GRIN2A: variants seen among roughly 807,000 people sequenced by gnomAD.
GRIN2A encodes glutamate ionotropic receptor NMDA type subunit 2A.
GRIN2A carries 22 observed loss-of-function variants against 113.4 expected under a neutral mutation model. The ratio of observed to expected loss-of-function variants is 0.19; its 90% CI spans 0.14 to 0.28. The LOEUF is 0.28. Ranked by LOEUF, GRIN2A falls within the 10% of genes least tolerant of loss-of-function variation. The probability of loss-of-function intolerance (pLI) is 1.00; values close to 1 mark genes in which losing one functional copy is unlikely to be tolerated. For synonymous variants in GRIN2A, 827 were observed against 738.4 expected (o/e 1.12, Z -1.94); for missense variants, 1,502 against 1,887.0 (o/e 0.80, Z 3.78).
chr16:10,179,695 G>C (rs2050219004), intron 2 of GRIN2A: 2 of 471,494 alleles, frequency 4.2e-6, no homozygotes, highest in East Asian at 8.0e-5. Context: ...CTCCAAACAT[G>C]CCACCACCGC....
chr16:9,842,724 G>T (rs2042701861), intron 5 of GRIN2A, among the ~76,000 whole-genome samples: 2 of 152,258 alleles, frequency 1.3e-5, no homozygotes, highest in Middle Eastern at 3.4e-3. Flanking sequence ...ATCCCCTGAG[G>T]TTGGGAGTTT....
chr16:10,083,524 G>A (rs1407195954), intron 2 of GRIN2A, among the ~76,000 whole-genome samples: 1 of 152,126 alleles, frequency 6.6e-6, no homozygotes, highest in African/African-American at 2.4e-5. Flanking sequence ...TGAGGCCCAC[G>A]TGCTTTCACC....
At chr16:9,767,104 G>T (rs2141144000) in intron 12 of GRIN2A, among the ~76,000 whole-genome samples, 1 of 152,304 alleles carries the variant, frequency 6.6e-6, no homozygotes, top group African/African-American at 2.4e-5. Context: ...TTTGGTAATT[G>T]GCTGGGAGAA....
At chr16:9,834,468 G>A (rs550521060) in intron 7 of GRIN2A, among the ~76,000 whole-genome samples, 11 of 152,050 alleles carry the variant, frequency 7.2e-5, no homozygotes, top group South Asian at 2.1e-4. Flanking sequence ...TGCAACCTCC[G>A]CCCCCCAGGT....
At chr16:9,987,340 C>T (rs767254025) in intron 2 of GRIN2A, among the ~76,000 whole-genome samples, 1 of 152,170 alleles carries the variant, frequency 6.6e-6, no homozygotes, top group Non-Finnish European at 1.5e-5. Flanking sequence ...TGAAAGCCAA[C>T]TCACTCCCAT....
At chr16:9,856,413 G>C (rs1456915246) in intron 4 of GRIN2A, among the ~76,000 whole-genome samples, 6 of 151,926 alleles carry the variant, frequency 3.9e-5, no homozygotes, top group Non-Finnish European at 1.5e-5. Flanking sequence ...GAGGTCAGGA[G>C]ATCGAGACCA....
chr16:9,779,993 A>C (rs1022084700), intron 11 of GRIN2A, among the ~76,000 whole-genome samples: 1 of 152,204 alleles, frequency 6.6e-6, no homozygotes, highest in African/African-American at 2.4e-5. Flanking sequence ...AAAATAAGGC[A>C]ATGTTGATGT....
At chr16:10,032,613 AGAC>A (rs1567247385) in intron 2 of GRIN2A, among the ~76,000 whole-genome samples, 1 of 152,204 alleles carries the variant, frequency 6.6e-6, no homozygotes, top group African/African-American at 2.4e-5. Flanking sequence ...CCCATTTCAC[AGAC>A]GAGGAACTGA....
intron 2 of GRIN2A, among the ~76,000 whole-genome samples, chr16:9,942,430 A>G (rs2044905912): frequency 6.6e-6 from 1 of 152,108 alleles, no homozygotes; most frequent in South Asian, 2.1e-4. Flanking sequence ...TCTGGGCCTG[A>G]GTTTCTTTAC....
chr16:9,798,180 C>T (rs986960246), intron 11 of GRIN2A, 97 bp downstream of exon 11: 2 of 959,442 alleles, frequency 2.1e-6, no homozygotes, highest in Non-Finnish European at 1.7e-6. Context: ...AGGGAGCAAA[C>T]TCATCATGCA....
At chr16:10,059,713 C>T (rs1324998527) in intron 2 of GRIN2A, among the ~76,000 whole-genome samples, 1 of 111,186 alleles carries the variant, frequency 9.0e-6, no homozygotes, top group East Asian at 2.6e-4. Context: ...ATCACACCAT[C>T]GTGACCGAAA....
chr16:10,116,663 CAGCAG>C (rs2048733733), intron 2 of GRIN2A, among the ~76,000 whole-genome samples: 2 of 152,028 alleles, frequency 1.3e-5, no homozygotes, highest in Admixed American at 6.5e-5. Context: ...GAAAAGAAGC[CAGCAG>C]CAGGGAAATT....
Position 9,754,662 on chromosome 16 carries a change from T to G in GRIN2A, c.*8487A>C, listed in dbSNP as rs1250437710. ...GATTTAAAAAAATTTAAAAAAGATT[T>G]TAAAAGTCAATACTGTTCATTCACT... is the stretch of plus-strand genomic sequence containing the variant. On this transcript the variant is annotated 3_prime_UTR_variant, in exon 13 of 13. Transcript: ENST00000330684. The G allele has an allele frequency of 4.6e-6, 1 of 217,634 alleles. No homozygotes were observed. Among genetic ancestry groups the G allele is most frequent in the African/African-American group, 2.2e-5 (1 of 44,472 alleles). 13.5% of individuals were successfully genotyped at this position (217,634 alleles called of 1,614,324 possible). A position where few individuals can be genotyped will look rare whatever the true frequency, so the allele number is the denominator to read the frequency against.
chr16:10,105,497 A>C (rs1207748277), intron 2 of GRIN2A, among the ~76,000 whole-genome samples: 4 of 152,042 alleles, frequency 2.6e-5, no homozygotes, highest in Non-Finnish European at 5.9e-5. Context: ...CATGTAAAAA[A>C]AAAAAATCAA....
chr16:10,154,920 G>T (rs915337589), intron 2 of GRIN2A, among the ~76,000 whole-genome samples: 1 of 152,188 alleles, frequency 6.6e-6, no homozygotes, highest in African/African-American at 2.4e-5. Flanking sequence ...AACAAGTGTT[G>T]TATAAAAAAC....
chr16:9,891,189 G>GA (rs2043688535), intron 3 of GRIN2A, 89 bp from the exon 4 acceptor site: 7 of 782,544 alleles, frequency 8.9e-6, no homozygotes, highest in Non-Finnish European at 1.6e-5. Flanking sequence ...ATGGAATACT[G>GA]AAAAATTATA....
At chr16:10,034,505 A>G (rs1448710979) in intron 2 of GRIN2A, among the ~76,000 whole-genome samples, 1 of 141,768 alleles carries the variant, frequency 7.1e-6, no homozygotes, top group Non-Finnish European at 1.5e-5. Context: ...AGGCTGGACG[A>G]TAAGAGTGAG....
At chr16:10,123,512 A>C (rs1020819868) in intron 2 of GRIN2A, among the ~76,000 whole-genome samples, 1 of 152,128 alleles carries the variant, frequency 6.6e-6, no homozygotes, top group Admixed American at 6.6e-5. Flanking sequence ...TGATGCTCTA[A>C]ATCTCCAGCT....
At chr16:10,049,342 A>T (rs561014375) in intron 2 of GRIN2A, among the ~76,000 whole-genome samples, 2 of 152,066 alleles carry the variant, frequency 1.3e-5, no homozygotes, top group South Asian at 4.2e-4. Flanking sequence ...TACCTTCTCA[A>T]GTTGTCACAG....
Sources: allele counts gnomAD v4.1 joint callset (sites outside exome capture counted in the v4.1 genomes callset), GRCh38; gene constraint gnomAD v4.1.1; transcripts MANE v1.5; gene names NCBI Gene and HGNC (gene_info 2026-07-23, HGNC 2026-07-21).